Variants in MAP1S observed in about 807,000 individuals in gnomAD.
MAP1S encodes the protein microtubule-associated protein 1S.
In MAP1S, 27 loss-of-function variants were observed where a neutral mutation model predicts 60.9. The ratio of observed to expected loss-of-function variants is 0.44; its 90% confidence interval spans 0.33 to 0.61. The LOEUF is 0.61. Among genes scored for constraint, MAP1S ranks in the 20% least tolerant of loss-of-function variants. The probability of loss-of-function intolerance (pLI) is 0.03; values close to 1 mark genes in which losing one functional copy is unlikely to be tolerated. For missense variants in MAP1S, 1,608 were observed against 1,486.6 expected (o/e 1.08, Z -1.34); for synonymous variants, 826 against 694.2 (o/e 1.19, Z -2.98).
At chr19:17,723,529 CAA>C (rs893245289) in intron 2 of MAP1S, among the ~76,000 whole-genome samples, 1 of 147,058 alleles carries the variant, frequency 6.8e-6, no homozygotes, top group Non-Finnish European at 1.5e-5. Flanking sequence ...GCCTGGGCAA[CAA>C]GAGCAAAACT....
rs772344722 is a variant in MAP1S at position 17,721,043 on chromosome 19, G to A, written c.220+6G>A. 5 of 1,612,888 alleles carry A rather than the reference G, an allele frequency of 3.1e-6. No homozygotes were observed. The South Asian group carries it at 5.5e-5, about 18-fold the overall frequency. On this transcript the variant is annotated splice_donor_region_variant and intron_variant, in intron 2 of 6. Coordinates refer to ENST00000324096, the MANE Select transcript of MAP1S (RefSeq NM_018174.6). ...CTTCTCCAGCATTGTGAAAGGTGAG[G>A]CTGGGGTCCCCCTGACTGCTCCCTA...
rs373846497 is a variant in MAP1S, at chr19:17,726,359, G to T, written c.975G>T (p.Arg325Ser). 1.2e-5 allele frequency: 19 copies of T among 1,598,254 alleles called. No individual in the cohort carries two copies. The highest frequency in any genetic ancestry group is 1.7e-4 in the Middle Eastern group (1 of 6,052). The change falls in exon 5 of 7, where the codon AGG (arginine) becomes AGT (serine). Residue 325 changes from arginine (R) to serine (S), a missense_variant. Transcript: ENST00000324096. ...VAAGGGSWDD[R>S]LRRLISPNLG... ...CTGGTGGGGGCTCCTGGGACGACAGGCTGCGCAGGCTCATCTCCCCCAACC... is the reference window on the plus strand; with the variant it reads ...CTGGTGGGGGCTCCTGGGACGACAGTCTGCGCAGGCTCATCTCCCCCAACC...
rs2080405678 is a variant in MAP1S, at chr19:17,725,100, G to A, written c.355G>A (p.Gly119Arg). 1.2e-6 allele frequency: 2 copies of A among 1,614,162 alleles called. No homozygotes were observed. Among genetic ancestry groups the A allele is most frequent in the Non-Finnish European group, 1.7e-6 (2 of 1,180,022 alleles). ...PASHKLLVLAGPCLEETGELL... is the reference protein window; with the variant it reads ...PASHKLLVLARPCLEETGELL... Reference sequence around the variant, plus strand: ...CTCTCACAAGCTACTGGTGTTGGCTGGGCCCTGCCTGGAGGAGACGGGGGA... The same window carrying A: ...CTCTCACAAGCTACTGGTGTTGGCTAGGCCCTGCCTGGAGGAGACGGGGGA... Residue 119 changes from glycine to arginine, a missense_variant, in exon 4 of 7, where the codon GGG (glycine) becomes AGG (arginine). Physicochemically the swap from Gly to Arg is moderately radical, Grantham distance 125. Transcript: ENST00000324096. This position sits in a 1 kb window ranked among gnomAD's most constrained non-coding sequence, Gnocchi z 4.2.
At position 17,727,648 on chromosome 19, in the gene MAP1S, C is replaced by T. The variant is rs770287597; in HGVS notation, c.2264C>T (p.Pro755Leu). Residue 755 changes from proline to leucine, a missense_variant, in exon 5 of 7, where the codon CCG becomes CTG. Transcript: ENST00000324096. The surrounding 1 kb of genome is among the most constrained non-coding windows in gnomAD (Gnocchi z 4.1). ...FEHRKAVPMA[P>L]APASPGSSND... ...CATCGCAAGGCGGTGCCAATGGCAC[C>T]GGCACCTGCGTCCCCCGGCAGCTCG... 9 of 1,608,270 alleles carry T rather than the reference C, an allele frequency of 5.6e-6. No individual in the cohort carries two copies. Among genetic ancestry groups the T allele is most frequent in the South Asian group, 2.2e-5 (2 of 91,020 alleles).
chr19:17,727,040 G>C lies in MAP1S; in HGVS notation c.1656G>C (p.Lys552Asn). 6.2e-7 allele frequency: 1 copy of C among 1,605,824 alleles called. No individual in the cohort carries two copies. Among genetic ancestry groups the C allele is most frequent in the Non-Finnish European group, 8.5e-7 (1 of 1,177,184 alleles). Reference sequence around the variant, plus strand: ...CAGCCTCTTCTGTGCCCAACCTCAAGAAGACGAATGCCCAGGCGGCACCCA... The same window carrying C: ...CAGCCTCTTCTGTGCCCAACCTCAACAAGACGAATGCCCAGGCGGCACCCA... ...RRAASSVPNL[K>N]KTNAQAAPKP... is the part of the protein sequence containing the mutation. The change falls in exon 5 of 7, where the codon AAG (lysine) becomes AAC (asparagine). Residue 552 changes from lysine to asparagine, a missense_variant. Coordinates refer to ENST00000324096, the MANE Select transcript of MAP1S (RefSeq NM_018174.6). The surrounding 1 kb of genome is among the most constrained non-coding windows in gnomAD (Gnocchi z 4.1).
rs377353862 is a variant in MAP1S at position 17,727,951 on chromosome 19, C to T, written c.2567C>T (p.Thr856Met). 5.5e-5 allele frequency: 88 copies of T among 1,607,512 alleles called. No homozygotes were observed. Among genetic ancestry groups the T allele is most frequent in the Non-Finnish European group, 6.8e-5 (80 of 1,176,478 alleles). Reference protein sequence around the residue: ...EMLPPKTARQTENVSRTRKPL... With the variant: ...EMLPPKTARQMENVSRTRKPL... ...CTGCCCCCCAAGACAGCACGGCAAA[C>T]GGAGAACGTCAGCCGCACCCGGAAG... is the stretch of plus-strand genomic sequence containing the variant. Residue 856 changes from threonine to methionine, a missense_variant, in exon 5 of 7, where the codon ACG becomes ATG. This residue lies in a region of MAP1S where 1,167 missense variants were observed against 961.4 expected (regional missense o/e 1.21). Coordinates refer to ENST00000324096, the MANE Select transcript of MAP1S (RefSeq NM_018174.6). The surrounding 1 kb of genome is among the most constrained non-coding windows in gnomAD (Gnocchi z 4.1).
At chr19:17,721,887 G>A (rs1485543836) in intron 2 of MAP1S, among the ~76,000 whole-genome samples, 1 of 152,140 alleles carries the variant, frequency 6.6e-6, no homozygotes, top group Non-Finnish European at 1.5e-5. Context: ...CCCAGGGTGA[G>A]CAGAGCAGCA....
At chr19:17,728,566 T>C (rs2080464930) in intron 5 of MAP1S, among the ~76,000 whole-genome samples, 1 of 151,914 alleles carries the variant, frequency 6.6e-6, no homozygotes, top group African/African-American at 2.4e-5. Flanking sequence ...TTCTTTTTTT[T>C]TTTTTTGAGA....
chr19:17,733,551 A>G (rs1430292395), intron 6 of MAP1S, 123 bp downstream of exon 6: 1 of 760,470 alleles, frequency 1.3e-6, no homozygotes, highest in Non-Finnish European at 2.0e-6. Flanking sequence ...CGAATGTGGG[A>G]GTCTCACATG....
At position 17,724,148 on chromosome 19, in the gene MAP1S, T is replaced by C. The variant is rs539240811; in HGVS notation, c.243T>C (p.Arg81=). The C allele has an allele frequency of 1.2e-6, 2 of 1,613,884 alleles. No homozygotes were observed. Among genetic ancestry groups the C allele is most frequent in the African/African-American group, 2.7e-5 (2 of 75,036 alleles). ...CAGGCCAGCGGAGCCTGCACCACCG[T>C]GGAGACAACCTGGAGACCCTGGTCC... ...IVKGQRSLHH[R]GDNLETLVLL... is the part of the protein sequence containing the mutation. Residue 81 remains arginine, a synonymous_variant, in exon 3 of 7, where the codon CGT becomes CGC. Transcript: ENST00000324096.
intron 5 of MAP1S, among the ~76,000 whole-genome samples, chr19:17,729,676 T>C (rs2080475723): frequency 6.6e-6 from 1 of 152,168 alleles, no homozygotes; most frequent in South Asian, 2.1e-4. Flanking sequence ...CAGCTAATTT[T>C]TTTTTGAGAT....
intron 5 of MAP1S, among the ~76,000 whole-genome samples, chr19:17,729,393 C>CTGTGGGAACAG (rs1439279577): frequency 6.6e-6 from 1 of 152,224 alleles, no homozygotes; most frequent in Non-Finnish European, 1.5e-5. Context: ...GAGCCCCTCT[C>CTGTGGGAACAG]AGACAGGGAA....
At position 17,726,674 on chromosome 19, in the gene MAP1S, G is replaced by T; in HGVS notation, c.1290G>T (p.Val430=). The T allele has an allele frequency of 6.3e-7, 1 of 1,583,216 alleles. No homozygotes were observed. ...GCCCCGGCGAGAAGGTGGTGCGCGTGCTGTTCCCCGGTTGCACCCCGCCCG... is the reference window on the plus strand; with the variant it reads ...GCCCCGGCGAGAAGGTGGTGCGCGTTCTGTTCCCCGGTTGCACCCCGCCCG... The part of the protein sequence containing the change: ...PAGPGEKVVR[V]LFPGCTPPAC... The change falls in exon 5 of 7, where the codon GTG becomes GTT. Residue 430 remains valine (V), a synonymous_variant. Transcript: ENST00000324096.
chr19:17,727,929 C>T lies in MAP1S; in HGVS notation c.2545C>T (p.Pro849Ser), dbSNP rs773299854. ...SICMVDPEMLPPKTARQTENV... is the reference protein window; with the variant it reads ...SICMVDPEMLSPKTARQTENV... ...CTGCATGGTGGACCCCGAGATGCTG[C>T]CCCCCAAGACAGCACGGCAAACGGA... is the stretch of plus-strand genomic sequence containing the variant. Residue 849 changes from proline (P) to serine (S), a missense_variant, in exon 5 of 7, where the codon CCC becomes TCC. Pro to Ser is a moderately conservative substitution (Grantham distance 74). Coordinates refer to ENST00000324096, the MANE Select transcript of MAP1S (RefSeq NM_018174.6). This position sits in a 1 kb window ranked among gnomAD's most constrained non-coding sequence, Gnocchi z 4.1. 4.4e-6 allele frequency: 7 copies of T among 1,607,924 alleles called. No individual in the cohort carries two copies. Among genetic ancestry groups the T allele is most frequent in the African/African-American group, 1.3e-5 (1 of 74,892 alleles).
intron 2 of MAP1S, chr19:17,721,298 G>C: frequency 2.1e-6 from 1 of 474,608 alleles, no homozygotes; most frequent in Non-Finnish European, 3.9e-6. Flanking sequence ...GATCTCTGAG[G>C]AGGGGGTTTT....
chr19:17,720,576 T>A, intron 1 of MAP1S: 1 of 1,389,924 alleles, frequency 7.2e-7, no homozygotes, highest in Non-Finnish European at 9.5e-7. Context: ...AAGGGCCCCC[T>A]GGCCAGTAGG....
At position 17,727,213 on chromosome 19, in the gene MAP1S, G is replaced by T. The variant is rs746328948; in HGVS notation, c.1829G>T (p.Ser610Ile). 12 of 1,569,212 alleles carry T rather than the reference G, an allele frequency of 7.6e-6. No homozygotes were observed. Among genetic ancestry groups the T allele is most frequent in the Admixed American group, 3.6e-5 (2 of 55,020 alleles). The stretch of plus-strand genomic sequence containing the variant: ...GCCTCCCAGCTGGTGGCCACGCCCA[G>T]CCTGGAGCTGGGGCCGATCCCAGCC... ...SPASQLVATP[S>I]LELGPIPAGE... Residue 610 changes from serine (S) to isoleucine (I), a missense_variant, in exon 5 of 7, where the codon AGC becomes ATC. Transcript: ENST00000324096. This position sits in a 1 kb window ranked among gnomAD's most constrained non-coding sequence, Gnocchi z 4.1.
chr19:17,722,144 T>G (rs1014988868), intron 2 of MAP1S, among the ~76,000 whole-genome samples: 1 of 152,176 alleles, frequency 6.6e-6, no homozygotes, highest in Non-Finnish European at 1.5e-5. Context: ...TGGGGCAATA[T>G]CCCTGTGTGG....
At chr19:17,720,856 C>G in intron 1 of MAP1S, 80 bp from the exon 2 acceptor site, 1 of 1,120,654 alleles carries the variant, frequency 8.9e-7, no homozygotes, top group Non-Finnish European at 1.4e-6. Flanking sequence ...GCTCCCCACC[C>G]ACGGGGTGCT....
Sources: gnomAD v4.1 joint callset for allele counts (sites outside exome capture counted in the v4.1 genomes callset) on GRCh38, gnomAD v4.1.1 for gene constraint, gnomAD v4.1.1 regional missense constraint, Gnocchi (gnomAD v3.1) non-coding constraint, MANE v1.5 for transcripts, NCBI Gene and HGNC (gene_info 2026-07-23, HGNC 2026-07-21) for gene names.